ARHGAP24: variants seen among roughly 807,000 people sequenced by gnomAD.
ARHGAP24 encodes Rho GTPase activating protein 24, also known as rho GTPase-activating protein 24.
A neutral mutation model predicts 76.4 loss-of-function variants in ARHGAP24; 50 were observed. That is an observed-to-expected ratio of 0.65 (90% confidence interval 0.52 to 0.83). The LOEUF is 0.83. ARHGAP24 is among the 40% of genes least tolerant of loss of function. The pLI is 0.00. For missense variants in ARHGAP24, 930 were observed against 914.2 expected, an observed-to-expected ratio of 1.02 and a Z score of -0.22; for synonymous variants, 345 against 323.3, an observed-to-expected ratio of 1.07 and a Z score of -0.72.
At chr4:85,750,094 G>A (rs1726201142) in intron 3 of ARHGAP24, among the ~76,000 whole-genome samples, 1 of 152,098 alleles carries the variant, frequency 6.6e-6, no homozygotes, top group Admixed American at 6.5e-5. Context: ...TATTAAACAT[G>A]ATGAAATGTC....
intron 2 of ARHGAP24, among the ~76,000 whole-genome samples, chr4:85,646,359 G>T (rs1721721729): frequency 6.6e-6 from 1 of 151,960 alleles, no homozygotes; most frequent in African/African-American, 2.4e-5. Context: ...ACTAAAAAAA[G>T]GTGTTAAATG....
At chr4:85,535,391 A>T (rs1319529477) in intron 1 of ARHGAP24, among the ~76,000 whole-genome samples, 1 of 152,216 alleles carries the variant, frequency 6.6e-6, no homozygotes, top group African/African-American at 2.4e-5. Flanking sequence ...TATGGTAAAA[A>T]TTTAAGAATG....
At chr4:85,607,493 A>G (rs1030615875) in intron 2 of ARHGAP24, among the ~76,000 whole-genome samples, 1 of 152,006 alleles carries the variant, frequency 6.6e-6, no homozygotes, top group Non-Finnish European at 1.5e-5. Flanking sequence ...CTAAAAAAAT[A>G]TCATGCAGGA....
chr4:85,502,488 G>A (rs996419697), intron 1 of ARHGAP24, among the ~76,000 whole-genome samples: 4 of 152,100 alleles, frequency 2.6e-5, no homozygotes, highest in Non-Finnish European at 5.9e-5. Context: ...TGTAGTAATT[G>A]TGAATAGGAA....
intron 2 of ARHGAP24, among the ~76,000 whole-genome samples, chr4:85,595,924 A>G (rs1719818314): frequency 6.6e-6 from 1 of 152,040 alleles, no homozygotes; most frequent in African/African-American, 2.4e-5. Context: ...AGATAACATA[A>G]AAGTCCCTTG....
chr4:85,637,416 T>G (rs1578098189), intron 2 of ARHGAP24, among the ~76,000 whole-genome samples: 1 of 152,092 alleles, frequency 6.6e-6, no homozygotes, highest in Non-Finnish European at 1.5e-5. Context: ...TGATATATCT[T>G]TAGGTATTCA....
intron 1 of ARHGAP24, among the ~76,000 whole-genome samples, chr4:85,535,283 A>G (rs181040765): frequency 5.6e-4 from 85 of 152,320 alleles, no homozygotes; most frequent in Admixed American, 2.9e-3. Context: ...GCTCCTCACT[A>G]TTTCAAGCTA....
chr4:85,940,534 T>C (rs1462591014), intron 4 of ARHGAP24, among the ~76,000 whole-genome samples: 1 of 152,060 alleles, frequency 6.6e-6, no homozygotes, highest in Non-Finnish European at 1.5e-5. Flanking sequence ...ATGGAAGAAG[T>C]ATTTAATTTT....
Position 85,836,076 on chromosome 4 carries a change from C to T in ARHGAP24, c.269-87572C>T, listed in dbSNP as rs371065521. Among the ~76,000 whole-genome samples, 18 of 152,308 alleles carry T rather than the reference C, an allele frequency of 1.2e-4. No homozygotes were observed. The East Asian group carries it at 2.1e-3, about 18-fold the overall frequency. The stretch of plus-strand genomic sequence containing the variant: ...ATGTCATTATTGACACCTGCAGTGA[C>T]AGTAGGAGCAATGCAAGCTTTGGTC... On this transcript the variant is annotated intron_variant, in intron 3 of 9. Transcript: ENST00000395184.
chr4:85,995,203 A>C lies in ARHGAP24; in HGVS notation c.1549A>C (p.Lys517Gln), dbSNP rs1340412322. The C allele has an allele frequency of 6.2e-7, 1 of 1,614,030 alleles. No homozygotes were observed. The highest frequency in any genetic ancestry group is 8.5e-7 in the Non-Finnish European group (1 of 1,180,018). ...GYVTLRDNKQ[K>Q]EQAGELGQHN... ...TGTGACCCTGAGGGATAACAAGCAG[A>C]AAGAACAAGCTGGAGAGTTAGGCCA... The change falls in exon 9 of 10, where the codon AAA becomes CAA. Residue 517 changes from lysine (K) to glutamine (Q), a missense_variant. By Grantham distance (53) the Lys-to-Gln change is moderately conservative. Transcript: ENST00000395184.
chr4:85,944,627 C>T (rs1460038988), intron 5 of ARHGAP24, among the ~76,000 whole-genome samples: 1 of 152,102 alleles, frequency 6.6e-6, no homozygotes, highest in Non-Finnish European at 1.5e-5. Flanking sequence ...GTGTTTTAGT[C>T]ATGAAGTCTT....
intron 3 of ARHGAP24, among the ~76,000 whole-genome samples, chr4:85,894,960 C>CAAAAA (rs540459367): frequency 7.1e-4 from 25 of 35,262 alleles, no homozygotes; most frequent in East Asian, 2.7e-3. Flanking sequence ...GACTCCCTCT[C>CAAAAA]AAAAAAAAAA....
intron 2 of ARHGAP24, among the ~76,000 whole-genome samples, chr4:85,587,189 C>T (rs961038860): frequency 2.6e-5 from 4 of 152,128 alleles, no homozygotes; most frequent in African/African-American, 9.7e-5. Flanking sequence ...TTTAGTTTGT[C>T]TTTCTAATCA....
intron 1 of ARHGAP24, among the ~76,000 whole-genome samples, chr4:85,495,852 A>T (rs1006078917): frequency 6.6e-6 from 1 of 152,204 alleles, no homozygotes; most frequent in Non-Finnish European, 1.5e-5. Context: ...CCTTAGCTGT[A>T]ATTTATGACT....
At chr4:85,589,289 A>T (rs1727988722) in intron 2 of ARHGAP24, among the ~76,000 whole-genome samples, 1 of 152,184 alleles carries the variant, frequency 6.6e-6, no homozygotes, top group East Asian at 1.9e-4. Flanking sequence ...CCAGTAGAAG[A>T]TTGCATTGGG....
intron 3 of ARHGAP24, among the ~76,000 whole-genome samples, chr4:85,883,078 T>C (rs1219998790): frequency 2.0e-5 from 3 of 152,146 alleles, no homozygotes; most frequent in Non-Finnish European, 4.4e-5. Flanking sequence ...GGGATACTTC[T>C]GGGGAACAAT....
intron 5 of ARHGAP24, among the ~76,000 whole-genome samples, chr4:85,968,203 A>G (rs886760088): frequency 2.0e-5 from 3 of 152,052 alleles, no homozygotes; most frequent in Non-Finnish European, 2.9e-5. Flanking sequence ...GCCAAAAAGA[A>G]TTTTTGTCTG....
At chr4:85,649,972 G>A (rs1056159040) in intron 2 of ARHGAP24, among the ~76,000 whole-genome samples, 2 of 152,178 alleles carry the variant, frequency 1.3e-5, no homozygotes, top group East Asian at 1.9e-4. Context: ...GGTCATACGG[G>A]TAGCAATGGA....
At chr4:85,554,003 T>C (rs1434737337) in intron 1 of ARHGAP24, among the ~76,000 whole-genome samples, 5 of 152,228 alleles carry the variant, frequency 3.3e-5, no homozygotes, top group African/African-American at 1.2e-4. Flanking sequence ...TTGTAAGGCA[T>C]GTCCAGGGTT....
Sources: gnomAD v4.1 joint callset for allele counts (sites outside exome capture counted in the v4.1 genomes callset) on GRCh38, gnomAD v4.1.1 for gene constraint, MANE v1.5 for transcripts, NCBI Gene and HGNC (gene_info 2026-07-23, HGNC 2026-07-21) for gene names.